The following KIAA0825 variants were observed in gnomAD, a reference collection of about 807,000 sequenced individuals.
KIAA0825 encodes the protein uncharacterized protein KIAA0825.
In KIAA0825, 119 loss-of-function variants were observed where a neutral mutation model predicts 147.6. That is an observed-to-expected ratio of 0.81 (90% CI 0.69 to 0.94). The LOEUF (loss-of-function observed/expected upper bound fraction) is 0.94. KIAA0825 is among the 40% of genes least tolerant of loss of function. The pLI is 0.00. For missense variants in KIAA0825, 1,381 were observed against 1,472.7 expected (o/e 0.94, Z 1.02); for synonymous variants, 470 against 518.1 (o/e 0.91, Z 1.26).
intron 5 of KIAA0825, among the ~76,000 whole-genome samples, chr5:94,485,703 A>T (rs1762974634): frequency 6.6e-6 from 1 of 151,796 alleles, no homozygotes; most frequent in African/African-American, 2.4e-5. Flanking sequence ...ATGTAAAGGA[A>T]TTATTTGTAT....
chr5:94,545,625 C>G (rs1774204306), intron 2 of KIAA0825, among the ~76,000 whole-genome samples: 1 of 152,176 alleles, frequency 6.6e-6, no homozygotes, highest in Non-Finnish European at 1.5e-5. Context: ...AAGAAACCAG[C>G]TGCCTTGATG....
intron 20 of KIAA0825, among the ~76,000 whole-genome samples, chr5:94,273,661 C>T (rs925477196): frequency 3.3e-5 from 5 of 152,020 alleles, no homozygotes; most frequent in Non-Finnish European, 5.9e-5. Flanking sequence ...TACAGCTCAG[C>T]GAATTTCTTA....
At chr5:94,305,110 G>T (rs1486820063) in intron 20 of KIAA0825, among the ~76,000 whole-genome samples, 1 of 151,884 alleles carries the variant, frequency 6.6e-6, no homozygotes, top group Non-Finnish European at 1.5e-5. Flanking sequence ...CTTAATTATT[G>T]TTCTAAGATC....
Position 94,225,531 on chromosome 5 carries a change from T to C in KIAA0825, c.3711-71407A>G, listed in dbSNP as rs149660278. Among the ~76,000 whole-genome samples the C allele has an allele frequency of 3.3e-3, 506 of 152,298 alleles. 6 individuals are homozygous for C. The highest frequency in any genetic ancestry group is 0.011 in the African/African-American group (469 of 41,560). ...TTAATTATTCATAAAGTTGGAGCCC[T>C]CATGAAGGGGATTAGTGCCCTAATA... On this transcript the variant is annotated intron_variant, in intron 20 of 20. Transcript: ENST00000682413.
chr5:94,441,577 G>A (rs1395999614), intron 13 of KIAA0825, among the ~76,000 whole-genome samples: 1 of 152,116 alleles, frequency 6.6e-6, no homozygotes, highest in East Asian at 1.9e-4. Flanking sequence ...GAGACCCCAT[G>A]AATGGGATTA....
intron 20 of KIAA0825, among the ~76,000 whole-genome samples, chr5:94,183,951 T>C (rs1219473018): frequency 6.6e-6 from 1 of 152,212 alleles, no homozygotes; most frequent in Non-Finnish European, 1.5e-5. Context: ...GAACCCCAGA[T>C]TTGTAGCCAA....
At chr5:94,172,928 G>T (rs751762609) in intron 20 of KIAA0825, among the ~76,000 whole-genome samples, 2 of 152,094 alleles carry the variant, frequency 1.3e-5, no homozygotes, top group Non-Finnish European at 2.9e-5. Context: ...TTTAGGAAAA[G>T]ATTTGGCAGT....
At chr5:94,158,432 T>C (rs1288827010) in intron 20 of KIAA0825, among the ~76,000 whole-genome samples, 2 of 152,130 alleles carry the variant, frequency 1.3e-5, no homozygotes, top group East Asian at 3.9e-4. Context: ...TGGCTGACAC[T>C]ACACTATGTC....
intron 14 of KIAA0825, among the ~76,000 whole-genome samples, chr5:94,429,574 T>G (rs1300479505): frequency 6.6e-6 from 1 of 152,200 alleles, no homozygotes; most frequent in Non-Finnish European, 1.5e-5. Flanking sequence ...GGGTATATAG[T>G]TGATCCTTGT....
chr5:94,549,364 A>T (rs1266265342), intron 2 of KIAA0825, among the ~76,000 whole-genome samples: 1 of 152,216 alleles, frequency 6.6e-6, no homozygotes, highest in African/African-American at 2.4e-5. Flanking sequence ...TGAAGAAATT[A>T]TGAAGCAAAT....
chr5:94,451,471 T>C (rs1412086412), intron 13 of KIAA0825, among the ~76,000 whole-genome samples: 1 of 152,200 alleles, frequency 6.6e-6, no homozygotes, highest in Non-Finnish European at 1.5e-5. Flanking sequence ...ACTGCCCTCA[T>C]GAATTTGCAT....
At chr5:94,176,224 T>A (rs1201708675) in intron 20 of KIAA0825, among the ~76,000 whole-genome samples, 1 of 152,062 alleles carries the variant, frequency 6.6e-6, no homozygotes, top group Non-Finnish European at 1.5e-5. Context: ...GAGCAGGTTT[T>A]TAAAAAAGAG....
chr5:94,565,060 TTTCC>T (rs1471406662), intron 2 of KIAA0825, among the ~76,000 whole-genome samples: 1 of 143,322 alleles, frequency 7.0e-6, no homozygotes, highest in African/African-American at 2.6e-5. Flanking sequence ...TCTCTCTTTC[TTTCC>T]TGTCTCTCTT....
chr5:94,231,029 C>T (rs1444806310), intron 20 of KIAA0825, among the ~76,000 whole-genome samples: 2 of 152,080 alleles, frequency 1.3e-5, no homozygotes, highest in African/African-American at 4.8e-5. Flanking sequence ...TGACAGTTTC[C>T]CTCTAGAAAT....
In KIAA0825 at chr5:94,462,712, A is replaced by G. The variant is rs1759987082; in HGVS notation, c.2064-143T>C. 3.0e-5 allele frequency: 14 copies of G among 470,166 alleles called. No homozygotes were observed. The South Asian group carries it at 3.3e-4, about 11-fold the overall frequency. The allele number at this position is 470,166 out of a possible 1,614,324, so 29.1% of individuals were successfully genotyped here. A position where few individuals can be genotyped will look rare whatever the true frequency, so the allele number is the denominator to read the frequency against. On this transcript the variant is annotated intron_variant, in intron 11 of 20. Coordinates refer to ENST00000682413, the MANE Select transcript of KIAA0825 (RefSeq NM_001145678.3). ...TACCAGAACTTCAGAGATCTAAACC[A>G]AAAAGAAAGTATCAAAGACACTCTT...
intron 20 of KIAA0825, among the ~76,000 whole-genome samples, chr5:94,275,602 T>C (rs541408781): frequency 6.6e-6 from 1 of 152,072 alleles, no homozygotes; most frequent in Non-Finnish European, 1.5e-5. Flanking sequence ...TGAATGAATG[T>C]TTGAGTGAAC....
At chr5:94,594,291 T>C in intron 1 of KIAA0825, 3 of 638,644 alleles carry the variant, frequency 4.7e-6, no homozygotes, top group Non-Finnish European at 6.1e-6. Flanking sequence ...TCAGATCCCA[T>C]GGTTTCTCGA....
At chr5:94,367,733 A>G (rs1196623181) in intron 20 of KIAA0825, among the ~76,000 whole-genome samples, 1 of 152,204 alleles carries the variant, frequency 6.6e-6, no homozygotes, top group South Asian at 2.1e-4. Flanking sequence ...AAGAAAATAT[A>G]TTTAAAAATC....
chr5:94,404,444 TTTC>T (rs1174816393), intron 15 of KIAA0825, among the ~76,000 whole-genome samples: 4 of 151,254 alleles, frequency 2.6e-5, no homozygotes, highest in Non-Finnish European at 4.4e-5. Context: ...TCCTTCCTTT[TTTC>T]TTCTTTCCTT....
Sources: gnomAD v4.1 joint callset for allele counts (sites outside exome capture counted in the v4.1 genomes callset) on GRCh38, gnomAD v4.1.1 for gene constraint, MANE v1.5 for transcripts, NCBI Gene and HGNC (gene_info 2026-07-23, HGNC 2026-07-21) for gene names.